The following ARHGAP21 variants were observed in gnomAD, a reference collection of about 807,000 sequenced individuals.
ARHGAP21 encodes the protein Rho GTPase activating protein 21.
In ARHGAP21, 38 loss-of-function variants were observed where a neutral mutation model predicts 164.6. The ratio of observed to expected loss-of-function variants is 0.23; its 90% CI spans 0.18 to 0.30. ARHGAP21 has a LOEUF of 0.30. Ranked by LOEUF, ARHGAP21 falls within the 10% of genes least tolerant of loss-of-function variation. The pLI is 1.00. For synonymous variants in ARHGAP21, 766 were observed against 857.9 expected, an observed-to-expected ratio of 0.89 and a Z score of 1.87; for missense variants, 1,822 against 2,370.7, an observed-to-expected ratio of 0.77 and a Z score of 4.81.
At chr10:24,663,883 C>G (rs1839934837) in intron 4 of ARHGAP21, among the ~76,000 whole-genome samples, 1 of 152,162 alleles carries the variant, frequency 6.6e-6, no homozygotes, top group Non-Finnish European at 1.5e-5. Flanking sequence ...AACAGCACCT[C>G]TGGCCTCTAT....
chr10:24,689,269 G>C (rs1842488844), intron 2 of ARHGAP21, among the ~76,000 whole-genome samples: 1 of 152,054 alleles, frequency 6.6e-6, no homozygotes, highest in Admixed American at 6.6e-5. Flanking sequence ...ATTGGCTAAT[G>C]TATCATTTTT....
intron 2 of ARHGAP21, among the ~76,000 whole-genome samples, chr10:24,683,937 C>T (rs571640766): frequency 1.3e-5 from 2 of 152,138 alleles, no homozygotes; most frequent in African/African-American, 4.8e-5. Flanking sequence ...AATAAAAATA[C>T]TTTATAAAGT....
chr10:24,637,208 T>C (rs1836470875), intron 4 of ARHGAP21, among the ~76,000 whole-genome samples: 1 of 152,208 alleles, frequency 6.6e-6, no homozygotes. Flanking sequence ...TTTCTCAAGC[T>C]CTGCTGTATT....
intron 7 of ARHGAP21, among the ~76,000 whole-genome samples, chr10:24,628,826 CAT>C (rs1366719788): frequency 6.3e-5 from 9 of 143,912 alleles, no homozygotes; most frequent in Admixed American, 3.5e-4. Context: ...CATATACACA[CAT>C]ATATGTACAT....
rs766251187 is a variant in ARHGAP21 at position 24,620,310 on chromosome 10, T to C, written c.1585A>G (p.Ser529Gly). The change falls in exon 9 of 26, where the codon AGT (serine) becomes GGT (glycine). Residue 529 changes from serine to glycine, a missense_variant. Transcript: ENST00000396432. ...CTATCATCCTGTTCAGTAAACCCACTCCACTTGTAAGTCTGTTTTTTCTCT... is the reference window on the plus strand; with the variant it reads ...CTATCATCCTGTTCAGTAAACCCACCCCACTTGTAAGTCTGTTTTTTCTCT... ...NGEKKQTYKW[S>G]GFTEQDDRRG... 1 of 1,613,988 alleles carries C rather than the reference T, an allele frequency of 6.2e-7. No individual in the cohort carries two copies. The highest frequency in any genetic ancestry group is 8.5e-7 in the Non-Finnish European group (1 of 1,179,876).
intron 2 of ARHGAP21, among the ~76,000 whole-genome samples, chr10:24,708,002 C>T (rs1844401452): frequency 6.6e-6 from 1 of 152,150 alleles, no homozygotes; most frequent in African/African-American, 2.4e-5. Flanking sequence ...AAGTATGTTC[C>T]TACTTGTTTT....
At chr10:24,595,524 T>C (rs2076543787) in intron 19 of ARHGAP21, among the ~76,000 whole-genome samples, 193 bp downstream of exon 19, 1 of 152,226 alleles carries the variant, frequency 6.6e-6, no homozygotes, top group Non-Finnish European at 1.5e-5. Flanking sequence ...GCTGCAAACA[T>C]GTATGAACAA....
intron 2 of ARHGAP21, among the ~76,000 whole-genome samples, chr10:24,675,395 T>G (rs1291991714): frequency 6.6e-6 from 1 of 152,174 alleles, no homozygotes; most frequent in African/African-American, 2.4e-5. Context: ...CTATACTGAC[T>G]GAAAGCAGAT....
rs1273401662 is a variant in ARHGAP21, at chr10:24,585,355, G to A, written c.4934C>T (p.Pro1645Leu). The change falls in exon 26 of 26, where the codon CCC (proline) becomes CTC (leucine). Residue 1645 changes from proline (P) to leucine (L), a missense_variant. By Grantham distance (98) the Pro-to-Leu change is moderately conservative. Transcript: ENST00000396432. ...TDSESEFPVF[P>L]TALTSERLFR... The stretch of plus-strand genomic sequence containing the variant: ...AAGCCTCTCTGAAGTCAAGGCTGTG[G>A]GGAACACGGGAAACTCGCTCTCGCT... 137 of 1,613,530 alleles carry A rather than the reference G, an allele frequency of 8.5e-5. No individual in the cohort carries two copies. Among genetic ancestry groups the A allele is most frequent in the Non-Finnish European group, 1.1e-4 (135 of 1,180,016 alleles).
intron 2 of ARHGAP21, among the ~76,000 whole-genome samples, chr10:24,720,960 G>A (rs190961462): frequency 2.7e-5 from 4 of 150,178 alleles, no homozygotes; most frequent in African/African-American, 9.9e-5. Context: ...CATAATAGAA[G>A]TAAATTCCGA....
chr10:24,701,171 G>C (rs1278167002), intron 2 of ARHGAP21, among the ~76,000 whole-genome samples: 2 of 151,788 alleles, frequency 1.3e-5, no homozygotes, highest in African/African-American at 2.4e-5. Context: ...CAGGGAGAAA[G>C]CAGTAAAAAT....
intron 23 of ARHGAP21, 49 bp downstream of exon 23, chr10:24,591,593 G>C (rs2076334163): frequency 6.3e-7 from 1 of 1,597,562 alleles, no homozygotes; most frequent in Non-Finnish European, 8.6e-7. Context: ...CCAGGATCTT[G>C]TGTCCCAAAT....
chr10:24,624,951 A>C (rs1464775010), intron 7 of ARHGAP21, among the ~76,000 whole-genome samples: 2 of 147,124 alleles, frequency 1.4e-5, no homozygotes, highest in African/African-American at 5.0e-5. Context: ...CTTGTACTTA[A>C]GTATTACACC....
intron 22 of ARHGAP21, 40 bp from the exon 23 acceptor site, chr10:24,591,723 C>T (rs773286576): frequency 7.5e-6 from 12 of 1,609,924 alleles, no homozygotes; most frequent in Non-Finnish European, 8.5e-6. Flanking sequence ...TTAAACAAGC[C>T]TTTAAATATA....
At chr10:24,703,379 G>A (rs1006669558) in intron 2 of ARHGAP21, among the ~76,000 whole-genome samples, 8 of 151,850 alleles carry the variant, frequency 5.3e-5, no homozygotes, top group African/African-American at 1.7e-4. Context: ...CACTCAACAC[G>A]CCAGCACTAT....
Position 24,596,888 on chromosome 10 carries a change from G to A in ARHGAP21, c.3335-6C>T. On this transcript the variant is annotated splice_polypyrimidine_tract_variant and splice_region_variant and intron_variant, in intron 16 of 25. Coordinates refer to ENST00000396432, the MANE Select transcript of ARHGAP21 (RefSeq NM_020824.4). Reference sequence around the variant, plus strand: ...TTTTGGGGGACTGGTATCATCTTTTGATTGCCAGTCAAAATAAAACAACAT... The same window carrying A: ...TTTTGGGGGACTGGTATCATCTTTTAATTGCCAGTCAAAATAAAACAACAT... The A allele has an allele frequency of 6.3e-7, 1 of 1,591,630 alleles. No individual in the cohort carries two copies. Among genetic ancestry groups the A allele is most frequent in the Non-Finnish European group, 8.5e-7 (1 of 1,174,420 alleles).
chr10:24,716,918 G>C (rs535592774), intron 2 of ARHGAP21, among the ~76,000 whole-genome samples: 9 of 152,318 alleles, frequency 5.9e-5, no homozygotes, highest in African/African-American at 2.2e-4. Flanking sequence ...GGTAGAGTCA[G>C]GATTGTGGTT....
intron 2 of ARHGAP21, among the ~76,000 whole-genome samples, chr10:24,717,700 C>A (rs1845525194): frequency 6.6e-6 from 1 of 152,174 alleles, no homozygotes; most frequent in South Asian, 2.1e-4. Context: ...TTTCAGACTT[C>A]ACAGAGGTCT....
chr10:24,594,891 G>A (rs1220406752), intron 21 of ARHGAP21, 59 bp downstream of exon 21: 4 of 1,350,738 alleles, frequency 3.0e-6, no homozygotes, highest in Non-Finnish European at 4.2e-6. Flanking sequence ...AAGTAATGAA[G>A]CATATCTTTT....
Sources: gnomAD v4.1 joint callset for allele counts (sites outside exome capture counted in the v4.1 genomes callset) on GRCh38, gnomAD v4.1.1 for gene constraint, MANE v1.5 for transcripts, NCBI Gene and HGNC (gene_info 2026-07-23, HGNC 2026-07-21) for gene names.